Variants in RAD51B observed in about 807,000 individuals in gnomAD.
RAD51B encodes DNA repair protein RAD51 homolog 2.
In RAD51B, 38 loss-of-function variants were observed where a neutral mutation model predicts 42.2. The ratio of observed to expected loss-of-function variants is 0.90; its 90% CI spans 0.70 to 1.18. The LOEUF (loss-of-function observed/expected upper bound fraction) is 1.18. Ranked by LOEUF, RAD51B falls within the 50% of genes most tolerant of loss-of-function variation. The pLI, the probability that RAD51B is intolerant of heterozygous loss-of-function variation, is 0.00. For missense variants in RAD51B, 373 were observed against 400.7 expected (o/e 0.93, Z 0.59); for synonymous variants, 154 against 145.2 (o/e 1.06, Z -0.43).
intron 10 of RAD51B, among the ~76,000 whole-genome samples, chr14:68,551,166 C>T (rs1372380223): frequency 6.6e-6 from 1 of 152,134 alleles, no homozygotes; most frequent in Admixed American, 6.5e-5. Flanking sequence ...GCGTGCTCTC[C>T]CCACACGGCT....
intron 8 of RAD51B, among the ~76,000 whole-genome samples, chr14:68,360,707 G>T (rs2083007033): frequency 6.6e-6 from 1 of 152,234 alleles, no homozygotes; most frequent in Non-Finnish European, 1.5e-5. Context: ...ACAAAAGACA[G>T]GTTGATGATA....
intron 4 of RAD51B, among the ~76,000 whole-genome samples, chr14:67,844,231 G>GT (rs901213428): frequency 1.0e-3 from 148 of 146,538 alleles, no homozygotes; most frequent in South Asian, 2.4e-3. Flanking sequence ...TATGATTGCA[G>GT]TTTTTTTTTT....
At chr14:67,942,685 A>C (rs2045249247) in intron 7 of RAD51B, among the ~76,000 whole-genome samples, 2 of 152,204 alleles carry the variant, frequency 1.3e-5, no homozygotes, top group Non-Finnish European at 2.9e-5. Flanking sequence ...GAAGTTACAA[A>C]GCCTGCCAAA....
At chr14:68,193,617 T>G (rs1361168755) in intron 7 of RAD51B, among the ~76,000 whole-genome samples, 5 of 152,224 alleles carry the variant, frequency 3.3e-5, no homozygotes, top group African/African-American at 1.2e-4. Flanking sequence ...AACAATTACA[T>G]CAAACTTTTA....
At chr14:68,010,870 G>A (rs886636443) in intron 7 of RAD51B, among the ~76,000 whole-genome samples, 1 of 151,880 alleles carries the variant, frequency 6.6e-6, no homozygotes, top group African/African-American at 2.4e-5. Flanking sequence ...ATACAGTAAT[G>A]TAGGTTCCAA....
intron 4 of RAD51B, among the ~76,000 whole-genome samples, chr14:67,856,299 T>G (rs1231748883): frequency 1.3e-5 from 2 of 152,084 alleles, no homozygotes; most frequent in African/African-American, 4.8e-5. Flanking sequence ...GTAAAGTAAT[T>G]TAAGATCAAG....
chr14:68,673,735 TAC>T (rs1234084490), intron 11 of RAD51B, among the ~76,000 whole-genome samples: 3 of 150,016 alleles, frequency 2.0e-5, no homozygotes, highest in Non-Finnish European at 4.4e-5. Context: ...TGCACACGCA[TAC>T]ACATACTGTA....
chr14:68,249,336 C>G (rs1367425686), intron 7 of RAD51B, among the ~76,000 whole-genome samples: 2 of 152,130 alleles, frequency 1.3e-5, no homozygotes, highest in African/African-American at 4.8e-5. Context: ...AGCATTAAAA[C>G]AAAACAATAC....
At chr14:67,895,960 T>A (rs911338683) in intron 7 of RAD51B, among the ~76,000 whole-genome samples, 3 of 152,220 alleles carry the variant, frequency 2.0e-5, no homozygotes, top group Admixed American at 2.0e-4. Context: ...AATTCTACCT[T>A]CTTTTGTAGT....
rs543371040 is a variant in RAD51B, at chr14:68,452,043, T to C, written c.958-16129T>C. 1.2e-4 allele frequency among the ~76,000 whole-genome samples: 18 copies of C among 152,336 alleles called. No individual in the cohort carries two copies. The South Asian group carries it at 2.9e-3, about 25-fold the overall frequency. On this transcript the variant is annotated intron_variant, in intron 9 of 10. Transcript: ENST00000471583. The stretch of plus-strand genomic sequence containing the variant: ...AAGGCCAGAGCTGCCTTGCCTCTGC[T>C]GCATTTTCTAATGGGCCTGGACAGG...
At chr14:67,925,132 G>C (rs546797156) in intron 7 of RAD51B, among the ~76,000 whole-genome samples, 2 of 152,346 alleles carry the variant, frequency 1.3e-5, no homozygotes, top group South Asian at 2.1e-4. Context: ...GCTGATGCAA[G>C]AAGTGGGTTC....
intron 7 of RAD51B, among the ~76,000 whole-genome samples, chr14:68,258,035 C>G (rs1035923204): frequency 6.6e-6 from 1 of 151,602 alleles, no homozygotes; most frequent in Non-Finnish European, 1.5e-5. Context: ...TTCATAAAAC[C>G]CTGAGAGAAA....
downstream of RAD51B, among the ~76,000 whole-genome samples, chr14:68,600,550 A>G (rs997667900): frequency 2.6e-5 from 4 of 152,074 alleles, no homozygotes; most frequent in African/African-American, 9.7e-5. Context: ...CTTTAGGTTA[A>G]CGGTCCCTAC....
rs1404698197 is a variant in RAD51B, at chr14:67,886,037, G to GT, written c.572+53dup. 2.2e-6 allele frequency: 3 copies of GT among 1,385,440 alleles called. No individual in the cohort carries two copies. In the African/African-American group the frequency reaches 4.4e-5, roughly 20 times the overall value. The allele number at this position is 1,385,440 out of a possible 1,614,324, so 85.8% of individuals were successfully genotyped here. A position where few individuals can be genotyped will look rare whatever the true frequency, so the allele number is the denominator to read the frequency against. On this transcript the variant is annotated intron_variant, in intron 6 of 10. Transcript: ENST00000471583. ...TTTTAGTAATGCGTTGAAGGTTTATGTTTTATCTTTTATGTTTCAGCTTCT... is the reference window on the plus strand; with the variant it reads ...TTTTAGTAATGCGTTGAAGGTTTATGTTTTTATCTTTTATGTTTCAGCTTCT...
At chr14:67,878,742 C>T (rs190808873) in intron 5 of RAD51B, among the ~76,000 whole-genome samples, 42 of 152,046 alleles carry the variant, frequency 2.8e-4, no homozygotes, top group Non-Finnish European at 5.3e-4. Flanking sequence ...TCACTGTCGC[C>T]GGGCTTGAGT....
Position 67,919,612 on chromosome 14 carries a change from A to G in RAD51B, c.756+32408A>G, listed in dbSNP as rs2044258953. On this transcript the variant is annotated intron_variant, in intron 7 of 10. Coordinates refer to ENST00000471583, the MANE Select transcript of RAD51B (RefSeq NM_133510.4). ...AAATTTATTGTTCTTTGTTGGATAT[A>G]CTATATAAACCAGACTCATGAACCA... Among the ~76,000 whole-genome samples, 3 of 152,082 alleles carry G rather than the reference A, an allele frequency of 2.0e-5. No homozygotes were observed. In the South Asian group the frequency reaches 6.2e-4, roughly 31 times the overall value.
chr14:68,607,669 G>A (rs1891503563), intron 10 of RAD51B, among the ~76,000 whole-genome samples: 1 of 152,086 alleles, frequency 6.6e-6, no homozygotes, highest in African/African-American at 2.4e-5. Context: ...TCTTCCCGGG[G>A]TCTCTGCACA....
chr14:68,052,402 G>A (rs1454338367), intron 7 of RAD51B, among the ~76,000 whole-genome samples: 1 of 151,144 alleles, frequency 6.6e-6, no homozygotes, highest in Non-Finnish European at 1.5e-5. Flanking sequence ...TAACTGATGA[G>A]GAAACTTACC....
At chr14:68,193,505 A>G (rs1466182611) in intron 7 of RAD51B, among the ~76,000 whole-genome samples, 2 of 152,202 alleles carry the variant, frequency 1.3e-5, no homozygotes, top group East Asian at 1.9e-4. Context: ...GATGGAAACA[A>G]TGATATTTAG....
Sources: allele counts gnomAD v4.1 joint callset (sites outside exome capture counted in the v4.1 genomes callset), GRCh38; gene constraint gnomAD v4.1.1; transcripts MANE v1.5; gene names NCBI Gene and HGNC (gene_info 2026-07-23, HGNC 2026-07-21).